Variants in FOXJ3 observed in about 807,000 individuals in gnomAD.
The protein encoded by FOXJ3 is forkhead box protein J3.
Under a neutral mutation model 76.1 loss-of-function variants are expected in FOXJ3, and 22 were observed. That is an observed-to-expected ratio of 0.29 (90% CI 0.21 to 0.41). The LOEUF (loss-of-function observed/expected upper bound fraction) is 0.41, where lower values mean the gene tolerates loss of function less well. Among genes scored for constraint, FOXJ3 ranks in the 10% least tolerant of loss-of-function variants. The pLI, the probability that FOXJ3 is intolerant of heterozygous loss-of-function variation, is 1.00. For missense variants in FOXJ3, 613 were observed against 762.1 expected, an observed-to-expected ratio of 0.80 and a Z score of 2.30; for synonymous variants, 269 against 261.2, an observed-to-expected ratio of 1.03 and a Z score of -0.29.
chr1:42,225,642 T>A (rs1401212864), intron 5 of FOXJ3, among the ~76,000 whole-genome samples: 1 of 152,184 alleles, frequency 6.6e-6, no homozygotes, highest in Non-Finnish European at 1.5e-5. Context: ...CGAAAGGCCC[T>A]GGTATGTTTA....
chr1:42,267,824 T>C (rs977538082), intron 3 of FOXJ3, among the ~76,000 whole-genome samples: 1 of 152,020 alleles, frequency 6.6e-6, no homozygotes, highest in Non-Finnish European at 1.5e-5. Flanking sequence ...TAAACATGAT[T>C]AAAGATTTTT....
chr1:42,240,279 G>A (rs1003569684), intron 4 of FOXJ3, among the ~76,000 whole-genome samples: 1 of 152,100 alleles, frequency 6.6e-6, no homozygotes, highest in Non-Finnish European at 1.5e-5. Context: ...TTAAGATGGC[G>A]ACACTCCCCA....
chr1:42,282,068 G>GAA (rs202102061), intron 2 of FOXJ3, among the ~76,000 whole-genome samples: 1 of 118,796 alleles, frequency 8.4e-6, no homozygotes, highest in African/African-American at 3.2e-5. Context: ...CAAAAAAGGA[G>GAA]AAAAAAAAAA....
chr1:42,222,771 T>C (rs1299570688), intron 5 of FOXJ3, among the ~76,000 whole-genome samples: 2 of 152,216 alleles, frequency 1.3e-5, no homozygotes, highest in Non-Finnish European at 2.9e-5. Flanking sequence ...ATAAACTTCA[T>C]GAGGACAGGA....
chr1:42,229,081 G>A (rs920938089), intron 4 of FOXJ3, among the ~76,000 whole-genome samples: 2 of 151,870 alleles, frequency 1.3e-5, no homozygotes, highest in African/African-American at 2.4e-5. Flanking sequence ...TGTCCTACAC[G>A]CTGACCTCAC....
At chr1:42,210,537 T>G (rs1410200128) in intron 5 of FOXJ3, among the ~76,000 whole-genome samples, 1 of 152,000 alleles carries the variant, frequency 6.6e-6, no homozygotes. Flanking sequence ...AAGGAGAAAT[T>G]TTCTGCATGA....
rs748318257 is a variant in FOXJ3, at chr1:42,276,537, T to C, written c.369+1811A>G. ...CGCAACACTAAGTCAAACAAAAGTA[T>C]AGCACGTCTTCAAATAACATCATTT... On this transcript the variant is annotated intron_variant, in intron 3 of 12. Transcript: ENST00000361346. Among the ~76,000 whole-genome samples the C allele has an allele frequency of 2.6e-5, 4 of 152,266 alleles. No individual in the cohort carries two copies. The East Asian group carries it at 5.8e-4, about 22-fold the overall frequency.
intron 7 of FOXJ3, 83 bp downstream of exon 7, chr1:42,199,019 T>A: frequency 8.8e-7 from 1 of 1,141,398 alleles, no homozygotes; most frequent in African/African-American, 1.5e-5. Flanking sequence ...CCTTCATTTT[T>A]AAATTTGCAT....
intron 4 of FOXJ3, among the ~76,000 whole-genome samples, chr1:42,248,525 C>T (rs1383332092): frequency 1.9e-5 from 2 of 102,762 alleles, no homozygotes; most frequent in African/African-American, 6.8e-5. Context: ...CAGAGCAAGA[C>T]TGCGTCTCCA....
chr1:42,218,015 A>G (rs1285419563), intron 5 of FOXJ3, among the ~76,000 whole-genome samples: 2 of 152,208 alleles, frequency 1.3e-5, no homozygotes, highest in Non-Finnish European at 2.9e-5. Context: ...TATATATTGG[A>G]GACAACATGC....
At chr1:42,291,295 C>T (rs972108337) in intron 2 of FOXJ3, among the ~76,000 whole-genome samples, 2 of 152,142 alleles carry the variant, frequency 1.3e-5, no homozygotes, top group Admixed American at 6.5e-5. Flanking sequence ...ATCTATAAAA[C>T]CTGCAGGAGA....
intron 4 of FOXJ3, among the ~76,000 whole-genome samples, chr1:42,228,282 T>C (rs550211909): frequency 3.3e-5 from 5 of 152,300 alleles, no homozygotes; most frequent in Admixed American, 2.0e-4. Context: ...GATAATTATA[T>C]GACAATAAAA....
At chr1:42,225,502 T>A (rs1647483357) in intron 5 of FOXJ3, among the ~76,000 whole-genome samples, 1 of 152,228 alleles carries the variant, frequency 6.6e-6, no homozygotes, top group South Asian at 2.1e-4. Context: ...ACACTATATT[T>A]TAGTATATTT....
chr1:42,187,157 T>G (rs945387493), intron 11 of FOXJ3, among the ~76,000 whole-genome samples: 5 of 151,526 alleles, frequency 3.3e-5, no homozygotes, highest in Non-Finnish European at 7.4e-5. Flanking sequence ...CGAGACTGCC[T>G]TCTTCTAACA....
chr1:42,192,762 TGA>T (rs1646575542), intron 8 of FOXJ3, among the ~76,000 whole-genome samples: 1 of 148,092 alleles, frequency 6.8e-6, no homozygotes, highest in African/African-American at 2.5e-5. Flanking sequence ...TTTTATTGAA[TGA>T]AAAAAAAAAA....
chr1:42,290,978 G>A (rs1259782090), intron 2 of FOXJ3, among the ~76,000 whole-genome samples: 1 of 151,962 alleles, frequency 6.6e-6, no homozygotes, highest in Non-Finnish European at 1.5e-5. Flanking sequence ...AAGTTTTGGA[G>A]AAAGGACAGA....
At chr1:42,231,929 C>T (rs1025680675) in intron 4 of FOXJ3, among the ~76,000 whole-genome samples, 3 of 152,190 alleles carry the variant, frequency 2.0e-5, no homozygotes, top group Non-Finnish European at 4.4e-5. Context: ...GGTATATCTC[C>T]TAATGCTATC....
At chr1:42,312,338 A>G (rs550857564) in intron 1 of FOXJ3, among the ~76,000 whole-genome samples, 2 of 152,186 alleles carry the variant, frequency 1.3e-5, no homozygotes, top group African/African-American at 2.4e-5. Flanking sequence ...GCTTACAGGT[A>G]TAAGCGACTG....
chr1:42,199,074 T>C (rs758575059), intron 7 of FOXJ3, 28 bp downstream of exon 7: 1 of 1,587,672 alleles, frequency 6.3e-7, no homozygotes, highest in South Asian at 1.1e-5. Context: ...TGAATAACTA[T>C]TAACATGTTA....
Sources: gnomAD v4.1 joint callset for allele counts (sites outside exome capture counted in the v4.1 genomes callset) on GRCh38, gnomAD v4.1.1 for gene constraint, MANE v1.5 for transcripts, NCBI Gene and HGNC (gene_info 2026-07-23, HGNC 2026-07-21) for gene names.